Variants in DPP10 observed in about 807,000 individuals in gnomAD.
The protein encoded by DPP10 is inactive dipeptidyl peptidase 10.
In DPP10, 33 loss-of-function variants were observed where a neutral mutation model predicts 120.9. That is an observed-to-expected ratio of 0.27 (90% CI 0.21 to 0.37). The LOEUF (loss-of-function observed/expected upper bound fraction) is 0.37. DPP10 is among the 10% of genes least tolerant of loss of function. The probability of loss-of-function intolerance (pLI) is 1.00; values close to 1 mark genes in which losing one functional copy is unlikely to be tolerated. For synonymous variants in DPP10, 337 were observed against 326.1 expected, an observed-to-expected ratio of 1.03 and a Z score of -0.36; for missense variants, 816 against 942.8, an observed-to-expected ratio of 0.87 and a Z score of 1.76.
At chr2:114,466,080 A>T (rs912634162) in intron 1 of DPP10, among the ~76,000 whole-genome samples, 2 of 152,138 alleles carry the variant, frequency 1.3e-5, no homozygotes, top group Non-Finnish European at 2.9e-5. Context: ...TTAGGATGAT[A>T]ATTTCCCACA....
intron 1 of DPP10, among the ~76,000 whole-genome samples, chr2:114,542,662 T>C (rs1201470219): frequency 6.6e-6 from 1 of 152,218 alleles, no homozygotes; most frequent in African/African-American, 2.4e-5. Flanking sequence ...GGTGTCTACT[T>C]AGGCAAGGAA....
chr2:114,839,154 C>A (rs1021834942), intron 1 of DPP10, among the ~76,000 whole-genome samples: 1 of 152,054 alleles, frequency 6.6e-6, no homozygotes, highest in African/African-American at 2.4e-5. Context: ...GCAATTATTT[C>A]TTGGATGGCA....
chr2:115,728,817 G>A (rs1012015163), intron 8 of DPP10, among the ~76,000 whole-genome samples: 3 of 152,050 alleles, frequency 2.0e-5, no homozygotes, highest in African/African-American at 7.2e-5. Flanking sequence ...CTGTATTCTG[G>A]ATAGATGTCT....
chr2:114,986,559 C>T (rs1393548403), intron 1 of DPP10, among the ~76,000 whole-genome samples: 2 of 152,036 alleles, frequency 1.3e-5, no homozygotes, highest in African/African-American at 4.8e-5. Context: ...TTAACTGCCA[C>T]TACCAATCAA....
At chr2:115,038,361 C>T (rs946635616) in intron 1 of DPP10, among the ~76,000 whole-genome samples, 4 of 151,994 alleles carry the variant, frequency 2.6e-5, no homozygotes, top group Non-Finnish European at 4.4e-5. Context: ...AGCTCCGCCT[C>T]CCGGGTTCAC....
chr2:115,570,461 C>T (rs2081273897), intron 5 of DPP10, among the ~76,000 whole-genome samples: 1 of 152,212 alleles, frequency 6.6e-6, no homozygotes, highest in South Asian at 2.1e-4. Flanking sequence ...TTGAGTCTTT[C>T]ACATAGTCCA....
chr2:115,627,058 A>G (rs1296802440), intron 5 of DPP10, among the ~76,000 whole-genome samples: 2 of 152,180 alleles, frequency 1.3e-5, no homozygotes, highest in South Asian at 2.1e-4. Flanking sequence ...GAATTTATTG[A>G]CCACATTTGG....
intron 1 of DPP10, among the ~76,000 whole-genome samples, chr2:115,184,824 A>C: frequency 6.6e-6 from 1 of 152,210 alleles, no homozygotes; most frequent in Non-Finnish European, 1.5e-5. Context: ...ATGAGACAGA[A>C]TAATCTAGTA....
At chr2:114,755,053 G>A (rs1294854471) in intron 1 of DPP10, among the ~76,000 whole-genome samples, 3 of 152,152 alleles carry the variant, frequency 2.0e-5, no homozygotes, top group African/African-American at 7.2e-5. Context: ...TATTTGAGTT[G>A]AGTAAGATCA....
chr2:115,710,946 AAAG>A (rs2092294857), intron 7 of DPP10, among the ~76,000 whole-genome samples: 1 of 152,122 alleles, frequency 6.6e-6, no homozygotes, highest in African/African-American at 2.4e-5. Context: ...TTGAGTTTTT[AAAG>A]AATAAGAAGT....
chr2:114,893,521 A>G (rs1574432220), intron 1 of DPP10, among the ~76,000 whole-genome samples: 1 of 152,154 alleles, frequency 6.6e-6, no homozygotes, highest in East Asian at 1.9e-4. Context: ...AGGTATACCA[A>G]GGGGAAGAGA....
At chr2:115,395,692 A>G (rs2067631985) in intron 3 of DPP10, among the ~76,000 whole-genome samples, 1 of 152,098 alleles carries the variant, frequency 6.6e-6, no homozygotes, top group African/African-American at 2.4e-5. Context: ...TTACTTTATC[A>G]GTAAAATGTT....
At chr2:114,728,764 A>G (rs1188102273) in intron 1 of DPP10, among the ~76,000 whole-genome samples, 1 of 152,188 alleles carries the variant, frequency 6.6e-6, no homozygotes, top group Admixed American at 6.5e-5. Flanking sequence ...AAATACACAT[A>G]CAGTGTCTCA....
intron 5 of DPP10, among the ~76,000 whole-genome samples, chr2:115,572,387 T>G (rs1306348902): frequency 6.6e-6 from 1 of 152,208 alleles, no homozygotes; most frequent in African/African-American, 2.4e-5. Context: ...TTTCAAACTC[T>G]GGAAATATGG....
chr2:114,641,256 A>G (rs952697788), intron 1 of DPP10, among the ~76,000 whole-genome samples: 1 of 151,990 alleles, frequency 6.6e-6, no homozygotes, highest in African/African-American at 2.4e-5. Flanking sequence ...TTACTATGTT[A>G]TCATCTCACA....
chr2:114,758,659 G>A (rs529811298), intron 1 of DPP10, among the ~76,000 whole-genome samples: 5 of 152,162 alleles, frequency 3.3e-5, no homozygotes, highest in African/African-American at 4.8e-5. Context: ...TCAAATAAAT[G>A]TATGGGCTCA....
rs1574115296 is a variant in DPP10 at position 114,756,610 on chromosome 2, C to A, written c.60+313772C>A. On this transcript the variant is annotated intron_variant, in intron 1 of 25. Coordinates refer to ENST00000410059, the MANE Select transcript of DPP10 (RefSeq NM_020868.6). ...AGGCATCTTCCTAAAGCACTGGGGT[C>A]TAAACCCCACTGCAGACAAATGACA... 2.0e-5 allele frequency among the ~76,000 whole-genome samples: 3 copies of A among 152,308 alleles called. No individual in the cohort carries two copies. In the South Asian group the frequency reaches 6.2e-4, roughly 32 times the overall value.
intron 5 of DPP10, among the ~76,000 whole-genome samples, chr2:115,588,004 A>T (rs1278328290): frequency 6.6e-6 from 1 of 152,208 alleles, no homozygotes; most frequent in African/African-American, 2.4e-5. Context: ...TATTTTGCTT[A>T]GGTATTTTTG....
intron 1 of DPP10, among the ~76,000 whole-genome samples, chr2:115,213,475 TTATC>T (rs1224891030): frequency 1.3e-5 from 2 of 152,136 alleles, no homozygotes; most frequent in African/African-American, 2.4e-5. Flanking sequence ...TGTGTTTACT[TTATC>T]TATCTCCATC....
Sources: gnomAD v4.1 joint callset for allele counts (sites outside exome capture counted in the v4.1 genomes callset) on GRCh38, gnomAD v4.1.1 for gene constraint, MANE v1.5 for transcripts, NCBI Gene and HGNC (gene_info 2026-07-23, HGNC 2026-07-21) for gene names.